GRIN2B: variants seen among roughly 807,000 people sequenced by gnomAD.
GRIN2B encodes glutamate receptor ionotropic, NMDA 2B.
A neutral mutation model predicts 114.5 loss-of-function variants in GRIN2B; 5 were observed. The observed-to-expected ratio is 0.04, with a 90% confidence interval of 0.02 to 0.09. The LOEUF is 0.09. Among genes scored for constraint, GRIN2B ranks in the 10% least tolerant of loss-of-function variants. The probability of loss-of-function intolerance (pLI) is 1.00; values close to 1 mark genes in which losing one functional copy is unlikely to be tolerated. For synonymous variants in GRIN2B, 787 were observed against 745.1 expected, an observed-to-expected ratio of 1.06 and a Z score of -0.92; for missense variants, 1,108 against 1,943.5, an observed-to-expected ratio of 0.57 and a Z score of 8.08.
intron 3 of GRIN2B, among the ~76,000 whole-genome samples, chr12:13,770,229 A>G (rs1268156889): frequency 2.0e-5 from 3 of 152,236 alleles, no homozygotes; most frequent in African/African-American, 7.2e-5. Context: ...TTAGGATGAA[A>G]GAACTGGCTC....
In GRIN2B at chr12:13,607,350, A is replaced by ATTATAT. The variant is rs1491467865; in HGVS notation, c.2010+1252_2010+1253insATATAA. ...ATAATATATATTATATATAATATAT[A>ATTATAT]AAATATATAATATATATTATATATT... On this transcript the variant is annotated intron_variant, in intron 10 of 13. Coordinates refer to ENST00000609686, the MANE Select transcript of GRIN2B (RefSeq NM_000834.5). Among the ~76,000 whole-genome samples the ATTATAT allele has an allele frequency of 2.9e-4, 10 of 34,402 alleles. 1 individual carries two copies. Among genetic ancestry groups the ATTATAT allele is most frequent in the South Asian group, 5.0e-4 (1 of 1,992 alleles). The allele number at this position is 34,402 out of a possible 152,430, so 22.6% of individuals were successfully genotyped here.
rs1948553851 is a variant in GRIN2B, at chr12:13,562,171, T to C, written c.*612A>G. ...GACCTTTTGTTCTGTTCACCACCAC[T>C]ATCGAGTCTCATGGGGTTGAAGCAA... On this transcript the variant is annotated 3_prime_UTR_variant, in exon 14 of 14. Transcript: ENST00000609686. 1 of 153,694 alleles carries C rather than the reference T, an allele frequency of 6.5e-6. No homozygotes were observed. Among genetic ancestry groups the C allele is most frequent in the African/African-American group, 2.4e-5 (1 of 41,448 alleles). 9.5% of individuals were successfully genotyped at this position (153,694 alleles called of 1,614,324 possible).
intron 3 of GRIN2B, among the ~76,000 whole-genome samples, chr12:13,861,303 A>G (rs566203381): frequency 2.0e-5 from 3 of 152,302 alleles, no homozygotes; most frequent in Non-Finnish European, 4.4e-5. Context: ...GGGCTGTGAT[A>G]TCCTGGATTA....
intron 3 of GRIN2B, among the ~76,000 whole-genome samples, chr12:13,855,753 T>C (rs1865650166): frequency 6.6e-6 from 1 of 152,216 alleles, no homozygotes; most frequent in Non-Finnish European, 1.5e-5. Context: ...TTAAGTTAAT[T>C]ACATCTGCAA....
chr12:13,817,718 A>T (rs1417081904), intron 3 of GRIN2B, among the ~76,000 whole-genome samples: 1 of 152,178 alleles, frequency 6.6e-6, no homozygotes, highest in Admixed American at 6.5e-5. Flanking sequence ...GACTAAGGAG[A>T]GCCCACATAT....
At chr12:13,813,020 A>G (rs1591746708) in intron 3 of GRIN2B, among the ~76,000 whole-genome samples, 1 of 149,618 alleles carries the variant, frequency 6.7e-6, no homozygotes, top group African/African-American at 2.5e-5. Context: ...GCTCACTACA[A>G]CCTCCGCCTC....
chr12:13,597,879 A>T (rs1565469028), intron 10 of GRIN2B, among the ~76,000 whole-genome samples: 2 of 152,330 alleles, frequency 1.3e-5, no homozygotes, highest in South Asian at 2.1e-4. Context: ...TATGTTCATT[A>T]CATAGTTCAA....
chr12:13,551,997 AG>A lies in GRIN2B; in HGVS notation c.*10785del, dbSNP rs1948419557. On this transcript the variant is annotated 3_prime_UTR_variant, in exon 14 of 14. Coordinates refer to ENST00000609686, the MANE Select transcript of GRIN2B (RefSeq NM_000834.5). ...AAAAAAAACAATCCCCTCTGGAAAC[AG>A]GTAATATACTTATCCTAGAGGAGCA... 6.6e-6 allele frequency: 1 copy of A among 152,168 alleles called. No homozygotes were observed. The highest frequency in any genetic ancestry group is 2.4e-5 in the African/African-American group (1 of 41,440). 9.4% of individuals were successfully genotyped at this position (152,168 alleles called of 1,614,324 possible).
At position 13,538,378 on chromosome 12, in the gene GRIN2B, G is replaced by A. The variant is rs572312147; in HGVS notation, c.*24405C>T. 1 of 152,390 alleles carries A rather than the reference G, an allele frequency of 6.6e-6. No individual in the cohort carries two copies. Among genetic ancestry groups the A allele is most frequent in the East Asian group, 1.9e-4 (1 of 5,188 alleles). The allele number at this position is 152,390 out of a possible 1,614,324, so 9.4% of individuals were successfully genotyped here. ...GTATAAAGAACAGACACTTGGCATA[G>A]TCTCAGGAAGTTCTGGCACTCACCC... On this transcript the variant is annotated 3_prime_UTR_variant, in exon 14 of 14. Coordinates refer to ENST00000609686, the MANE Select transcript of GRIN2B (RefSeq NM_000834.5).
At chr12:13,935,029 A>T (rs1186184259) in intron 2 of GRIN2B, among the ~76,000 whole-genome samples, 1 of 152,144 alleles carries the variant, frequency 6.6e-6, no homozygotes, top group African/African-American at 2.4e-5. Context: ...CCTCTAAAAG[A>T]AGACCCAAGT....
At chr12:13,797,530 T>A (rs1462914075) in intron 3 of GRIN2B, among the ~76,000 whole-genome samples, 1 of 152,202 alleles carries the variant, frequency 6.6e-6, no homozygotes, top group Non-Finnish European at 1.5e-5. Context: ...CCCTAATGGT[T>A]CTCAGAATGT....
At position 13,724,639 on chromosome 12, in the gene GRIN2B, A is replaced by G. The variant is rs574773955; in HGVS notation, c.1010+28678T>C. ...AAAATTGATTACCTGACTCTGTCCTAAGATGCATTTCTGAAGGCTCTCCTA... is the reference window on the plus strand; with the variant it reads ...AAAATTGATTACCTGACTCTGTCCTGAGATGCATTTCTGAAGGCTCTCCTA... On this transcript the variant is annotated intron_variant, in intron 4 of 13. Coordinates refer to ENST00000609686, the MANE Select transcript of GRIN2B (RefSeq NM_000834.5). 9.2e-5 allele frequency among the ~76,000 whole-genome samples: 14 copies of G among 152,184 alleles called. No homozygotes were observed. In the East Asian group the frequency reaches 2.1e-3, roughly 23 times the overall value.
intron 5 of GRIN2B, among the ~76,000 whole-genome samples, chr12:13,654,361 G>A (rs761506495): frequency 1.3e-5 from 2 of 152,116 alleles, no homozygotes; most frequent in Non-Finnish European, 2.9e-5. Context: ...AGAAGTGGCA[G>A]GAAACAGAAG....
chr12:13,621,359 A>T (rs552880450), intron 5 of GRIN2B, among the ~76,000 whole-genome samples: 4 of 152,164 alleles, frequency 2.6e-5, no homozygotes, highest in Non-Finnish European at 5.9e-5. Flanking sequence ...TGTAGCGAGA[A>T]GAACTGAATG....
At chr12:13,737,918 T>C (rs1863214206) in intron 4 of GRIN2B, among the ~76,000 whole-genome samples, 1 of 152,356 alleles carries the variant, frequency 6.6e-6, no homozygotes, top group East Asian at 1.9e-4. Flanking sequence ...TGAAAAATTA[T>C]GTTCTTTCTT....
chr12:13,689,583 G>A (rs1450639969), intron 4 of GRIN2B, among the ~76,000 whole-genome samples: 1 of 152,000 alleles, frequency 6.6e-6, no homozygotes, highest in Admixed American at 6.6e-5. Context: ...GCCTCCTCCT[G>A]GGCCCTTTGC....
At chr12:13,674,561 A>G (rs986304587) in intron 5 of GRIN2B, among the ~76,000 whole-genome samples, 1 of 152,070 alleles carries the variant, frequency 6.6e-6, no homozygotes, top group Non-Finnish European at 1.5e-5. Flanking sequence ...GCTCTCTGTG[A>G]TGAGGTTGTG....
chr12:13,659,708 T>C (rs1447969870), intron 5 of GRIN2B, among the ~76,000 whole-genome samples: 2 of 152,174 alleles, frequency 1.3e-5, no homozygotes, highest in South Asian at 2.1e-4. Flanking sequence ...TCATCCTCAC[T>C]TCCAATATTA....
At chr12:13,850,200 G>A (rs536806732) in intron 3 of GRIN2B, among the ~76,000 whole-genome samples, 2 of 152,220 alleles carry the variant, frequency 1.3e-5, no homozygotes, top group African/African-American at 2.4e-5. Context: ...AAGACCTATC[G>A]CCATCCAGGA....
Sources: allele counts gnomAD v4.1 joint callset (sites outside exome capture counted in the v4.1 genomes callset), GRCh38; gene constraint gnomAD v4.1.1; transcripts MANE v1.5; gene names NCBI Gene and HGNC (gene_info 2026-07-23, HGNC 2026-07-21).